DTNA: variants seen among roughly 807,000 people sequenced by gnomAD.
The protein encoded by DTNA is dystrobrevin alpha.
Under a neutral mutation model 100.7 loss-of-function variants are expected in DTNA, and 43 were observed. That is an observed-to-expected ratio of 0.43 (90% CI 0.33 to 0.55). DTNA has a LOEUF of 0.55. Ranked by LOEUF, DTNA falls within the 20% of genes least tolerant of loss-of-function variation. The pLI, the probability that DTNA is intolerant of heterozygous loss-of-function variation, is 0.04. For missense variants in DTNA, 798 were observed against 953.9 expected (o/e 0.84, Z 2.15); for synonymous variants, 349 against 347.9 (o/e 1.00, Z -0.04).
Position 34,851,877 on chromosome 18 carries a change from A to T in DTNA, c.1481A>T (p.Asp494Val). Residue 494 changes from aspartate to valine, a missense_variant, in exon 15 of 23, where the codon GAT becomes GTT. Coordinates refer to ENST00000444659, the MANE Select transcript of DTNA (RefSeq NM_001386795.1). ...GCTCCTGACATCTCTTTCACCATCG[A>T]TGCGAATAAGCAGCAAAGGCAGCTG... is the stretch of plus-strand genomic sequence containing the variant. ...RSAPDISFTI[D>V]ANKQQRQLIA... 2 of 1,614,088 alleles carry T rather than the reference A, an allele frequency of 1.2e-6. No homozygotes were observed. The highest frequency in any genetic ancestry group is 1.7e-6 in the Non-Finnish European group (2 of 1,179,944).
intron 1 of DTNA, among the ~76,000 whole-genome samples, chr18:34,730,358 C>T (rs2087799558): frequency 6.6e-6 from 1 of 152,186 alleles, no homozygotes. Context: ...GTGCTTTAAA[C>T]TTGAAGTGTT....
chr18:34,563,144 A>G (rs2046789151), intron 1 of DTNA, among the ~76,000 whole-genome samples: 1 of 152,178 alleles, frequency 6.6e-6, no homozygotes, highest in Non-Finnish European at 1.5e-5. Context: ...TTTTGCAGGT[A>G]TAACAGTTAG....
intron 1 of DTNA, among the ~76,000 whole-genome samples, chr18:34,687,913 A>G (rs2079140813): frequency 6.6e-6 from 1 of 151,088 alleles, no homozygotes; most frequent in Non-Finnish European, 1.5e-5. Flanking sequence ...GTCTTTATTG[A>G]TCTTTGTTGG....
intron 19 of DTNA, 67 bp downstream of exon 19, chr18:34,877,875 T>C (rs2096833661): frequency 7.8e-7 from 1 of 1,275,308 alleles, no homozygotes. Flanking sequence ...TAGGGGTCTC[T>C]CTTAGAGATC....
At chr18:34,713,987 T>G (rs1420961416) in intron 1 of DTNA, among the ~76,000 whole-genome samples, 7 of 152,014 alleles carry the variant, frequency 4.6e-5, no homozygotes, top group Admixed American at 6.6e-5. Flanking sequence ...GGGGAAAGGA[T>G]TCCCTATTTA....
intron 1 of DTNA, among the ~76,000 whole-genome samples, chr18:34,682,371 T>G (rs1225118410): frequency 6.6e-6 from 1 of 152,164 alleles, no homozygotes; most frequent in Admixed American, 6.6e-5. Context: ...TTTAATTACT[T>G]TTGCACCAAC....
intron 1 of DTNA, among the ~76,000 whole-genome samples, chr18:34,684,975 G>A (rs953676267): frequency 6.6e-6 from 1 of 152,134 alleles, no homozygotes; most frequent in Non-Finnish European, 1.5e-5. Flanking sequence ...CATATCACTT[G>A]CCCACTTTTT....
At chr18:34,726,492 A>G (rs1191040938) in intron 1 of DTNA, among the ~76,000 whole-genome samples, 1 of 152,190 alleles carries the variant, frequency 6.6e-6, no homozygotes, top group Non-Finnish European at 1.5e-5. Flanking sequence ...GCTTCCAACG[A>G]CAGTAATACT....
intron 3 of DTNA, among the ~76,000 whole-genome samples, chr18:34,782,887 G>A (rs541420192): frequency 2.6e-5 from 4 of 152,256 alleles, no homozygotes; most frequent in Non-Finnish European, 5.9e-5. Context: ...GACAGAAAGT[G>A]GAGGTGAGTA....
chr18:34,732,592 T>G (rs1246003792), intron 1 of DTNA, among the ~76,000 whole-genome samples: 1 of 152,250 alleles, frequency 6.6e-6, no homozygotes, highest in South Asian at 2.1e-4. Flanking sequence ...GCTCAGGTTA[T>G]GGAATTCATT....
chr18:34,760,305 T>C (rs187641105), intron 2 of DTNA, among the ~76,000 whole-genome samples: 6 of 152,258 alleles, frequency 3.9e-5, no homozygotes, highest in Non-Finnish European at 5.9e-5. Context: ...TCCCCTCTAC[T>C]TCTCTTTTTC....
At chr18:34,582,819 A>G (rs2048768224) in intron 1 of DTNA, among the ~76,000 whole-genome samples, 2 of 152,238 alleles carry the variant, frequency 1.3e-5, no homozygotes, top group Admixed American at 1.3e-4. Context: ...ATAAGGAGCC[A>G]AAACTAGTAT....
At chr18:34,835,994 A>T (rs1011013990) in intron 11 of DTNA, among the ~76,000 whole-genome samples, 1 of 152,214 alleles carries the variant, frequency 6.6e-6, no homozygotes, top group African/African-American at 2.4e-5. Flanking sequence ...CAGTGTTTTG[A>T]ATGGTTTTGC....
At chr18:34,660,816 C>A (rs927397231) in intron 1 of DTNA, among the ~76,000 whole-genome samples, 13 of 152,136 alleles carry the variant, frequency 8.5e-5, no homozygotes, top group Admixed American at 8.5e-4. Flanking sequence ...CCTTGAAGCT[C>A]CCCACCCCCG....
At chr18:34,720,858 G>C (rs753921206) in intron 1 of DTNA, among the ~76,000 whole-genome samples, 4 of 152,160 alleles carry the variant, frequency 2.6e-5, no homozygotes, top group African/African-American at 9.7e-5. Context: ...AGCTTAAATG[G>C]TGATGGTTTT....
chr18:34,765,238 T>A (rs537334274), intron 2 of DTNA, among the ~76,000 whole-genome samples: 1 of 152,274 alleles, frequency 6.6e-6, no homozygotes, highest in African/African-American at 2.4e-5. Context: ...ATATAGGGAA[T>A]GTGTTCCCTC....
At position 34,648,247 on chromosome 18, in the gene DTNA, C is replaced by G. The variant is rs1240977; in HGVS notation, c.-1-107729C>G. Among the ~76,000 whole-genome samples, 1,284 of 152,098 alleles carry G rather than the reference C, an allele frequency of 8.4e-3. 20 individuals carry two copies. Among genetic ancestry groups the G allele is most frequent in the African/African-American group, 0.03 (1,226 of 41,458 alleles). ...GGGCTGTATCAGGCAAGGTTTATAA[C>G]GTATGTCTAGCCTTTTGGTCTTTCC... On this transcript the variant is annotated intron_variant, in intron 1 of 19. Transcript: ENST00000283365.
intron 4 of DTNA, among the ~76,000 whole-genome samples, chr18:34,797,265 C>T (rs972291246): frequency 1.3e-5 from 2 of 152,162 alleles, no homozygotes; most frequent in African/African-American, 2.4e-5. Context: ...CTAAGCAAAT[C>T]TCTCCACGGC....
rs530733292 is a variant in DTNA at position 34,821,047 on chromosome 18, G to A, written c.1001+132G>A. The A allele has an allele frequency of 1.3e-4, 168 of 1,341,326 alleles. No homozygotes were observed. In the African/African-American group the frequency reaches 2.1e-3, roughly 17 times the overall value. The allele number at this position is 1,341,326 out of a possible 1,614,324, so 83.1% of individuals were successfully genotyped here. On this transcript the variant is annotated intron_variant, in intron 9 of 22. Coordinates refer to ENST00000444659, the MANE Select transcript of DTNA (RefSeq NM_001386795.1). ...ATTTAGTTTAAAAAAAAAAGTCAGA[G>A]TAATGCCATCATAATTTTTTGTTGT...
Sources: allele counts gnomAD v4.1 joint callset (sites outside exome capture counted in the v4.1 genomes callset), GRCh38; gene constraint gnomAD v4.1.1; transcripts MANE v1.5; gene names NCBI Gene and HGNC (gene_info 2026-07-23, HGNC 2026-07-21).